Variants in SLC14A2 observed in about 807,000 individuals in gnomAD.
SLC14A2 encodes the protein solute carrier family 14 member 2.
SLC14A2 carries 91 observed loss-of-function variants against 104.6 expected under a neutral mutation model. That is an observed-to-expected ratio of 0.87 (90% CI 0.73 to 1.04). The LOEUF is 1.04. Among genes scored for constraint, SLC14A2 ranks in the 50% least tolerant of loss-of-function variants. The pLI is 0.00. For missense variants in SLC14A2, 1,189 were observed against 1,156.0 expected (o/e 1.03, Z -0.41); for synonymous variants, 476 against 466.4 (o/e 1.02, Z -0.27).
intron 2 of SLC14A2, among the ~76,000 whole-genome samples, chr18:45,597,130 C>CAACATGGAA (rs1364215326): frequency 4.4e-4 from 67 of 152,316 alleles, no homozygotes; most frequent in African/African-American, 1.5e-3. Context: ...CCAGCCTGGC[C>CAACATGGAA]AACATGGTAA....
intron 1 of SLC14A2, among the ~76,000 whole-genome samples, chr18:45,343,245 T>C (rs1222277282): frequency 6.6e-6 from 1 of 151,734 alleles, no homozygotes; most frequent in Admixed American, 6.6e-5. Context: ...TGTGTCTCTC[T>C]CTCAGCTCTG....
At chr18:45,540,271 C>T (rs1227017356) in intron 2 of SLC14A2, among the ~76,000 whole-genome samples, 2 of 152,072 alleles carry the variant, frequency 1.3e-5, no homozygotes, top group Non-Finnish European at 2.9e-5. Context: ...TCCTGTTCCT[C>T]GGGTCTGCTC....
intron 4 of SLC14A2, among the ~76,000 whole-genome samples, chr18:45,628,774 T>C (rs537173780): frequency 6.6e-6 from 1 of 152,294 alleles, no homozygotes; most frequent in South Asian, 2.1e-4. Context: ...TCATTTATGT[T>C]GGGGATGTGT....
intron 1 of SLC14A2, among the ~76,000 whole-genome samples, chr18:45,395,747 A>G (rs2086022723): frequency 6.6e-6 from 1 of 152,090 alleles, no homozygotes; most frequent in East Asian, 1.9e-4. Context: ...CCACCCCATT[A>G]TGTCCCTATA....
chr18:45,473,900 A>G (rs1247401882), intron 1 of SLC14A2, among the ~76,000 whole-genome samples: 1 of 152,224 alleles, frequency 6.6e-6, no homozygotes, highest in Non-Finnish European at 1.5e-5. Context: ...CCTGGCCAGA[A>G]CTTCCAATAC....
chr18:45,298,977 TA>T (rs57643121), intron 1 of SLC14A2, among the ~76,000 whole-genome samples: 1,540 of 146,304 alleles, frequency 0.011, 13 homozygotes, highest in Middle Eastern at 0.028. Flanking sequence ...ATTTAACTGT[TA>T]AAAAAAAAAA....
chr18:45,669,180 A>G, intron 15 of SLC14A2, 126 bp from the exon 16 acceptor site: 1 of 752,128 alleles, frequency 1.3e-6, no homozygotes, highest in Non-Finnish European at 2.2e-6. Flanking sequence ...AGGGCCAGTC[A>G]GGCTCCAGAG....
chr18:45,318,346 G>T (rs1013018774), intron 1 of SLC14A2, among the ~76,000 whole-genome samples: 4 of 152,144 alleles, frequency 2.6e-5, no homozygotes, highest in African/African-American at 9.6e-5. Context: ...TCAGCACTGG[G>T]TCATGTGCTC....
At chr18:45,271,876 C>A (rs2084654805) in intron 1 of SLC14A2, among the ~76,000 whole-genome samples, 1 of 152,012 alleles carries the variant, frequency 6.6e-6, no homozygotes, top group African/African-American at 2.4e-5. Context: ...ACTGGAGGAA[C>A]CACATTGCCT....
chr18:45,255,564 C>T lies in SLC14A2; in HGVS notation c.-125+42373C>T, dbSNP rs533987426. On this transcript the variant is annotated intron_variant, in intron 1 of 20. Coordinates refer to the SLC14A2 transcript ENST00000586448. ...ACCTTTGGAGAACTCTACCTTTGGC[C>T]GTGGTTTCAGAAAGTGATTGCCTGT... Among the ~76,000 whole-genome samples, 8 of 152,100 alleles carry T rather than the reference C, an allele frequency of 5.3e-5. 1 individual carries two copies. The highest frequency in any genetic ancestry group is 3.2e-3 in the Middle Eastern group (1 of 316).
At chr18:45,565,954 A>ACTACT (rs2044260250) in intron 2 of SLC14A2, among the ~76,000 whole-genome samples, 1 of 152,210 alleles carries the variant, frequency 6.6e-6, no homozygotes, top group Non-Finnish European at 1.5e-5. Context: ...GTCACAAGGC[A>ACTACT]CTAGAGTGTC....
chr18:45,585,765 C>G (rs1286441121), intron 2 of SLC14A2, among the ~76,000 whole-genome samples: 1 of 152,192 alleles, frequency 6.6e-6, no homozygotes, highest in Non-Finnish European at 1.5e-5. Context: ...TACCCCAGTA[C>G]CCACCTGCCC....
chr18:45,532,261 G>A (rs1376046387), intron 2 of SLC14A2, among the ~76,000 whole-genome samples: 2 of 152,086 alleles, frequency 1.3e-5, no homozygotes, highest in Admixed American at 1.3e-4. Flanking sequence ...GCTTGATGGG[G>A]ATGGCATTGA....
At chr18:45,404,336 G>T (rs1431651920) in intron 1 of SLC14A2, among the ~76,000 whole-genome samples, 1 of 152,086 alleles carries the variant, frequency 6.6e-6, no homozygotes, top group African/African-American at 2.4e-5. Flanking sequence ...CTATATTTTT[G>T]ATCCATAAAT....
intron 1 of SLC14A2, among the ~76,000 whole-genome samples, chr18:45,290,512 TC>T (rs1254375793): frequency 6.6e-6 from 1 of 152,176 alleles, no homozygotes; most frequent in African/African-American, 2.4e-5. Context: ...TGGGTTCTAT[TC>T]CTGGCTTGGC....
chr18:45,232,037 A>G lies in SLC14A2; in HGVS notation c.-125+18846A>G, dbSNP rs551185716. On this transcript the variant is annotated intron_variant, in intron 1 of 20. Transcript: ENST00000586448. Reference sequence around the variant, plus strand: ...TCAACTAAGAGTCCATTGCAATAGTAAAAAAAAAAAACAAAATGATGAGTG... The same window carrying G: ...TCAACTAAGAGTCCATTGCAATAGTGAAAAAAAAAAACAAAATGATGAGTG... Among the ~76,000 whole-genome samples, 5 of 98,124 alleles carry G rather than the reference A, an allele frequency of 5.1e-5. No homozygotes were observed. The South Asian group carries it at 1.5e-3, about 28-fold the overall frequency. The allele number at this position is 98,124 out of a possible 152,430, so 64.4% of individuals were successfully genotyped here.
chr18:45,440,292 T>C (rs2086663070), intron 1 of SLC14A2: 1 of 152,016 alleles, frequency 6.6e-6, no homozygotes, highest in African/African-American at 2.4e-5. Flanking sequence ...TTTTCCAACA[T>C]ATACAGAGAA....
At chr18:45,448,619 G>C (rs183474611) in intron 1 of SLC14A2, among the ~76,000 whole-genome samples, 1 of 152,282 alleles carries the variant, frequency 6.6e-6, no homozygotes, top group African/African-American at 2.4e-5. Context: ...GCTCTGCGCA[G>C]ACTCTTCCCC....
chr18:45,403,782 G>GAATGAATGAATGAATA (rs1393944666), intron 1 of SLC14A2, among the ~76,000 whole-genome samples: 37 of 152,134 alleles, frequency 2.4e-4, no homozygotes, highest in Non-Finnish European at 5.0e-4. Context: ...ATGAATGAAT[G>GAATGAATGAATGAATA]AATAAATGAG....
Sources: allele counts gnomAD v4.1 joint callset (sites outside exome capture counted in the v4.1 genomes callset), GRCh38; gene constraint gnomAD v4.1.1; transcripts MANE v1.5; gene names NCBI Gene and HGNC (gene_info 2026-07-23, HGNC 2026-07-21).